CRLF2: variants seen among roughly 807,000 people sequenced by gnomAD.
CRLF2 encodes cytokine receptor like factor 2, also known as cytokine receptor-like factor 2.
CRLF2 carries 41 observed loss-of-function variants against 38.7 expected under a neutral mutation model. The ratio of observed to expected loss-of-function variants is 1.06; its 90% CI spans 0.83 to 1.37. The LOEUF is 1.37. Among genes scored for constraint, CRLF2 ranks in the 40% most tolerant of loss-of-function variants. The pLI, the probability that CRLF2 is intolerant of heterozygous loss-of-function variation, is 0.00. For synonymous variants in CRLF2, 140 were observed against 128.8 expected (o/e 1.09, Z -0.59); for missense variants, 377 against 322.2 (o/e 1.17, Z -1.30).
chrX:1,201,656 G>GAT (rs2086611219), intron 4 of CRLF2, among the ~76,000 whole-genome samples: 3 of 146,440 alleles, frequency 2.0e-5, no homozygotes, highest in Non-Finnish European at 4.4e-5. Flanking sequence ...ACATTAGATA[G>GAT]AGAGACAGAC....
At chrX:1,212,497 TG>T in intron 1 of CRLF2, 58 bp downstream of exon 1, 2 of 1,158,848 alleles carry the variant, frequency 1.7e-6, no homozygotes, top group Non-Finnish European at 2.6e-6. Context: ...AAAGAGTGCC[TG>T]GTTGCAAAGC....
intron 4 of CRLF2, among the ~76,000 whole-genome samples, chrX:1,200,157 A>G (rs2086576146): frequency 1.3e-5 from 2 of 151,586 alleles, no homozygotes. Flanking sequence ...ATGTGTGTAT[A>G]TATACCTGTA....
At chrX:1,197,984 A>C (rs149240037) in intron 5 of CRLF2, among the ~76,000 whole-genome samples, 6 of 152,092 alleles carry the variant, frequency 3.9e-5, no homozygotes, top group East Asian at 1.9e-4. Context: ...CCTGGGCACC[A>C]TGAGAATGTT....
chrX:1,198,154 TCG>T (rs2086525615), intron 5 of CRLF2, among the ~76,000 whole-genome samples: 1 of 122,394 alleles, frequency 8.2e-6, no homozygotes, highest in Non-Finnish European at 1.8e-5. Context: ...CCCTCCCACC[TCG>T]AAGGCAGGAC....
intron 7 of CRLF2, among the ~76,000 whole-genome samples, 198 bp from the exon 8 acceptor site, chrX:1,191,358 T>TTCCTTCC (rs2086376536): frequency 9.6e-6 from 1 of 103,712 alleles, no homozygotes; most frequent in African/African-American, 3.4e-5. Context: ...TCTTTCTTTC[T>TTCCTTCC]TTCCTTTCTT....
chrX:1,193,167 G>A (rs1422771053), intron 7 of CRLF2, 51 bp downstream of exon 7: 5 of 398,372 alleles, frequency 1.3e-5, no homozygotes, highest in Non-Finnish European at 2.2e-5. Flanking sequence ...TGCAGGCAGA[G>A]GGGCACCTGC....
chrX:1,191,625 C>T (rs1478711908), intron 7 of CRLF2, among the ~76,000 whole-genome samples: 11 of 151,482 alleles, frequency 7.3e-5, no homozygotes, highest in Non-Finnish European at 1.0e-4. Flanking sequence ...TCCGCCTACC[C>T]GGTTCAAGCG....
At chrX:1,194,087 T>C (rs2086439762) in intron 6 of CRLF2, among the ~76,000 whole-genome samples, 1 of 151,714 alleles carries the variant, frequency 6.6e-6, no homozygotes, top group Non-Finnish European at 1.5e-5. Context: ...ATTGTGCCAC[T>C]GCTCTCCAGC....
At chrX:1,209,289 TTGTATTGTAGTGTAG>T (rs1556425178) in intron 1 of CRLF2, among the ~76,000 whole-genome samples, 2 of 106,858 alleles carry the variant, frequency 1.9e-5, no homozygotes, top group East Asian at 5.0e-4. Context: ...TTGTATTGCA[TTGTATTGTAGTGTAG>T]TGTAGTGTAG....
intron 6 of CRLF2, among the ~76,000 whole-genome samples, chrX:1,195,023 C>A (rs1488628479): frequency 6.9e-6 from 1 of 145,134 alleles, no homozygotes; most frequent in Non-Finnish European, 1.5e-5. Flanking sequence ...CAGAGTGAGA[C>A]TCAGTCTCAA....
rs2086362436 is a variant in CRLF2 at position 1,190,904 on chromosome X, G to A, written c.1109C>T (p.Ala370Val). The change falls in exon 8 of 8, where the codon GCG becomes GTG. Residue 370 changes from alanine (A) to valine (V), a missense_variant. Coordinates refer to ENST00000400841, the MANE Select transcript of CRLF2 (RefSeq NM_022148.4). ...TFVMNDRSYV[A>V]L is the part of the protein sequence containing the mutation. The stretch of plus-strand genomic sequence containing the variant: ...TTGACAGTGGTGTGTCCATCACAAC[G>A]CCACGTAGGAGCGGTCATTCATCAC... 4 of 398,558 alleles carry A rather than the reference G, an allele frequency of 1.0e-5. No individual in the cohort carries two copies. Among genetic ancestry groups the A allele is most frequent in the Admixed American group, 4.4e-5 (1 of 22,706 alleles). The allele number at this position is 398,558 out of a possible 1,614,324, so 24.7% of individuals were successfully genotyped here. A position where few individuals can be genotyped will look rare whatever the true frequency, so the allele number is the denominator to read the frequency against.
chrX:1,197,927 G>A (rs1232485968), intron 5 of CRLF2, among the ~76,000 whole-genome samples: 6 of 152,106 alleles, frequency 3.9e-5, no homozygotes, highest in Admixed American at 3.3e-4. Context: ...GATTGAACGT[G>A]GGAGACAGAT....
chrX:1,202,397 C>T lies in CRLF2; in HGVS notation c.483+5G>A, dbSNP rs1378457285. ...ATCGCCCTGAGTCGCGGCCGCCCGGCTCACCTGCCACTCGGTGTCGAAGGG... is the reference window on the plus strand; with the variant it reads ...ATCGCCCTGAGTCGCGGCCGCCCGGTTCACCTGCCACTCGGTGTCGAAGGG... On this transcript the variant is annotated splice_donor_5th_base_variant and intron_variant, in intron 4 of 7. Coordinates refer to ENST00000400841, the MANE Select transcript of CRLF2 (RefSeq NM_022148.4). The T allele has an allele frequency of 1.9e-6, 3 of 1,613,550 alleles. No homozygotes were observed. Among genetic ancestry groups the T allele is most frequent in the South Asian group, 1.1e-5 (1 of 91,078 alleles).
intron 2 of CRLF2, among the ~76,000 whole-genome samples, chrX:1,207,507 C>G (rs868702434): frequency 2.5e-5 from 3 of 120,148 alleles, no homozygotes; most frequent in Middle Eastern, 4.3e-3. Flanking sequence ...ATCCACCCCC[C>G]CCCCCCTCAG....
chrX:1,196,714 T>C (rs2086481935), intron 6 of CRLF2, 66 bp downstream of exon 6: 1 of 1,577,420 alleles, frequency 6.3e-7, no homozygotes, highest in Non-Finnish European at 8.6e-7. Flanking sequence ...ATTAATCTTT[T>C]TTCGTACTTC....
At chrX:1,198,168 C>G (rs868090882) in intron 5 of CRLF2, among the ~76,000 whole-genome samples, 21 of 124,130 alleles carry the variant, frequency 1.7e-4, no homozygotes, top group African/African-American at 2.0e-4. Context: ...AGGCAGGACA[C>G]CCTCCCTCCC....
intron 4 of CRLF2, among the ~76,000 whole-genome samples, chrX:1,201,052 C>G (rs28844719): frequency 0.51 from 77,447 of 151,772 alleles, 20,185 homozygotes; most frequent in East Asian, 0.68. Flanking sequence ...CAGCTACACA[C>G]CCATACAGCA....
chrX:1,194,186 A>G (rs2086441249), intron 6 of CRLF2, among the ~76,000 whole-genome samples: 1 of 152,020 alleles, frequency 6.6e-6, no homozygotes, highest in East Asian at 1.9e-4. Flanking sequence ...GCTACTTGGG[A>G]TGTTGAGGCA....
intron 5 of CRLF2, among the ~76,000 whole-genome samples, chrX:1,198,127 GGAAGGCAGGACACCCTCCCTCCCACCTC>G (rs1569468810): frequency 9.1e-5 from 13 of 143,112 alleles, no homozygotes; most frequent in South Asian, 2.2e-4. Context: ...CACCCTCCTG[GGAAGGCAGGACACCCTCCCTCCCACCTC>G]GAAGGCAGGA....
Sources: allele counts gnomAD v4.1 joint callset (sites outside exome capture counted in the v4.1 genomes callset), GRCh38; gene constraint gnomAD v4.1.1; transcripts MANE v1.5; gene names NCBI Gene and HGNC (gene_info 2026-07-23, HGNC 2026-07-21).